Variants in BANP observed in about 807,000 individuals in gnomAD.
BANP encodes the protein BTG3 associated nuclear protein, also known as protein BANP.
Under a neutral mutation model 68.1 loss-of-function variants are expected in BANP, and 11 were observed. The ratio of observed to expected loss-of-function variants is 0.16; its 90% confidence interval spans 0.10 to 0.27. The LOEUF (loss-of-function observed/expected upper bound fraction) is 0.27, where lower values mean the gene tolerates loss of function less well. Ranked by LOEUF, BANP falls within the 10% of genes least tolerant of loss-of-function variation. BANP has a pLI of 1.00. For synonymous variants in BANP, 329 were observed against 303.2 expected (o/e 1.09, Z -0.88); for missense variants, 504 against 722.7 (o/e 0.70, Z 3.47).
chr16:87,951,056 G>A (rs1273813391), upstream of BANP: 1 of 152,308 alleles, frequency 6.6e-6, no homozygotes, highest in Non-Finnish European at 1.5e-5. Flanking sequence ...GCATGGCCCA[G>A]ACGCAGGGAC....
chr16:87,962,934 C>T (rs2059441384), intron 1 of BANP, among the ~76,000 whole-genome samples: 1 of 152,220 alleles, frequency 6.6e-6, no homozygotes, highest in South Asian at 2.1e-4. Context: ...GTCAGTTCAT[C>T]CTGCCTTTCT....
intron 4 of BANP, among the ~76,000 whole-genome samples, chr16:87,992,971 G>A (rs1383263854): frequency 2.0e-5 from 3 of 152,194 alleles, no homozygotes; most frequent in African/African-American, 7.2e-5. Flanking sequence ...GCCTCCCTGG[G>A]CTCCTCTGAT....
intron 1 of BANP, among the ~76,000 whole-genome samples, chr16:87,974,307 G>A (rs2061638902): frequency 6.6e-6 from 1 of 152,198 alleles, no homozygotes; most frequent in South Asian, 2.1e-4. Context: ...AGCCCAATCA[G>A]AGTGTCACAG....
chr16:87,976,394 T>C (rs555396969), intron 2 of BANP, among the ~76,000 whole-genome samples: 1 of 152,262 alleles, frequency 6.6e-6, no homozygotes, highest in African/African-American at 2.4e-5. Flanking sequence ...AGGAGACCCT[T>C]GAGAAATGAA....
Position 87,957,795 on chromosome 16 carries a change from G to A in BANP, c.-69+6280G>A, listed in dbSNP as rs116304700. 4.6e-3 allele frequency among the ~76,000 whole-genome samples: 703 copies of A among 152,334 alleles called. 4 individuals are homozygous for A. The highest frequency in any genetic ancestry group is 0.016 in the African/African-American group (679 of 41,560). On this transcript the variant is annotated intron_variant, in intron 1 of 13. Coordinates refer to ENST00000682872, the MANE Select transcript of BANP (RefSeq NM_001386991.1). This position sits in a 1 kb window ranked among gnomAD's most constrained non-coding sequence, Gnocchi z 4.3. ...ACGCCTTCACCTTTCACCAGATGAC[G>A]CGGGGGGAATTGGGCCACGGTCCCT...
chr16:88,014,411 C>T (rs1433655601), intron 6 of BANP, among the ~76,000 whole-genome samples: 1 of 151,694 alleles, frequency 6.6e-6, no homozygotes, highest in Non-Finnish European at 1.5e-5. Flanking sequence ...CAGGAGCTGG[C>T]TGTCATCCTA....
At chr16:88,068,324 C>T (rs12931579) in intron 12 of BANP, among the ~76,000 whole-genome samples, 5 of 152,120 alleles carry the variant, frequency 3.3e-5, no homozygotes, top group Admixed American at 1.3e-4. Flanking sequence ...CCTGTGCTGT[C>T]GTGGAGTGCA....
intron 1 of BANP, chr16:87,960,045 C>T (rs7498315): frequency 0.3 from 46,303 of 152,324 alleles, 8,629 homozygotes; most frequent in African/African-American, 0.5. Context: ...GTGTCCCCGG[C>T]ACCTCCTACC....
intron 11 of BANP, 45 bp downstream of exon 11, chr16:88,038,056 AG>A (rs1347372246): frequency 8.4e-7 from 1 of 1,188,538 alleles, no homozygotes; most frequent in African/African-American, 1.9e-5. Flanking sequence ...TGCGCTGCCG[AG>A]GGATGGGGTT....
intron 1 of BANP, among the ~76,000 whole-genome samples, chr16:87,971,766 A>ACAGTTT (rs1481998068): frequency 4.0e-5 from 6 of 151,744 alleles, no homozygotes; most frequent in African/African-American, 1.2e-4. Context: ...TTCTTGAATT[A>ACAGTTT]CAGTTTTTGG....
chr16:88,076,580 C>T lies in BANP; in HGVS notation c.1522-10C>T. On this transcript the variant is annotated splice_polypyrimidine_tract_variant and intron_variant, in intron 13 of 13. Transcript: ENST00000682872. ...TTTTCTAGAAAGTCCCTCCTTTCTC[C>T]CTTTTGCAGACGGCCGAAGCCCTGC... is the stretch of plus-strand genomic sequence containing the variant. 6.2e-7 allele frequency: 1 copy of T among 1,612,250 alleles called. No homozygotes were observed. The highest frequency in any genetic ancestry group is 8.5e-7 in the Non-Finnish European group (1 of 1,179,474).
intron 13 of BANP, among the ~76,000 whole-genome samples, chr16:88,074,520 G>T (rs1342773962): frequency 6.6e-6 from 1 of 152,136 alleles, no homozygotes; most frequent in Non-Finnish European, 1.5e-5. Flanking sequence ...ATCTGTAGCA[G>T]AGGCAGCACC....
intron 1 of BANP, among the ~76,000 whole-genome samples, chr16:87,969,397 C>G (rs2060703076): frequency 6.6e-6 from 1 of 152,156 alleles, no homozygotes; most frequent in Non-Finnish European, 1.5e-5. Flanking sequence ...CATTTACACC[C>G]CCAGCAAAAG....
chr16:87,980,317 A>G (rs995047248), intron 2 of BANP, among the ~76,000 whole-genome samples: 46 of 152,330 alleles, frequency 3.0e-4, no homozygotes, highest in African/African-American at 1.1e-3. Flanking sequence ...TGCAGAGATG[A>G]GGCAATTGTG....
Position 88,076,727 on chromosome 16 carries a change from C to T in BANP, c.*66C>T, listed in dbSNP as rs1241400208. 2 of 1,336,132 alleles carry T rather than the reference C, an allele frequency of 1.5e-6. No individual in the cohort carries two copies. Among genetic ancestry groups the T allele is most frequent in the Admixed American group, 2.3e-5 (1 of 43,986 alleles). The allele number at this position is 1,336,132 out of a possible 1,614,324, so 82.8% of individuals were successfully genotyped here. On this transcript the variant is annotated 3_prime_UTR_variant, in exon 14 of 14. Transcript: ENST00000682872. ...TACGGCCCGGCCCCCACGCGCCCTG[C>T]TCTCACGGCCTCGGCACAGGCAGCG...
At chr16:88,019,094 C>T (rs1157496109) in intron 7 of BANP, among the ~76,000 whole-genome samples, 8 of 152,192 alleles carry the variant, frequency 5.3e-5, no homozygotes, top group African/African-American at 1.4e-4. Flanking sequence ...AGGGCTGGGC[C>T]TCAGCAGCCG....
chr16:88,070,325 C>T (rs1224660683), intron 12 of BANP, among the ~76,000 whole-genome samples: 7 of 152,224 alleles, frequency 4.6e-5, no homozygotes, highest in African/African-American at 1.4e-4. Flanking sequence ...GGGACCATGT[C>T]GGGCTGGCAT....
intron 4 of BANP, among the ~76,000 whole-genome samples, chr16:87,991,580 T>C (rs1473408333): frequency 1.3e-5 from 2 of 152,246 alleles, no homozygotes; most frequent in East Asian, 1.9e-4. Flanking sequence ...AGCAATGTTA[T>C]ACAGTTTTCA....
chr16:88,020,900 C>T (rs540308115), intron 7 of BANP, among the ~76,000 whole-genome samples: 63 of 152,242 alleles, frequency 4.1e-4, no homozygotes, highest in South Asian at 8.3e-4. Flanking sequence ...CATGGCAGGG[C>T]GATACTCAGA....
Sources: allele counts gnomAD v4.1 joint callset (sites outside exome capture counted in the v4.1 genomes callset), GRCh38; gene constraint gnomAD v4.1.1; non-coding constraint Gnocchi (gnomAD v3.1); transcripts MANE v1.5; gene names NCBI Gene and HGNC (gene_info 2026-07-23, HGNC 2026-07-21).